The following SPEF2 variants were observed in gnomAD, a reference collection of about 807,000 sequenced individuals.
SPEF2 encodes the protein sperm flagellar and cilia associated 2.
A neutral mutation model predicts 224.6 loss-of-function variants in SPEF2; 187 were observed. The ratio of observed to expected loss-of-function variants is 0.83; its 90% CI spans 0.74 to 0.94. The LOEUF (loss-of-function observed/expected upper bound fraction) is 0.94, where lower values mean the gene tolerates loss of function less well. Among genes scored for constraint, SPEF2 ranks in the 40% least tolerant of loss-of-function variants. The pLI is 0.00. For missense variants in SPEF2, 2,170 were observed against 2,135.6 expected (o/e 1.02, Z -0.32); for synonymous variants, 715 against 707.3 (o/e 1.01, Z -0.17).
chr5:35,711,178 C>T (rs1741032955), intron 19 of SPEF2, among the ~76,000 whole-genome samples: 2 of 152,206 alleles, frequency 1.3e-5, no homozygotes, highest in South Asian at 2.1e-4. Context: ...CAATCTTCAG[C>T]AGAAGTTGAG....
chr5:35,644,354 G>T lies in SPEF2; in HGVS notation c.415-1G>T. On this transcript the variant is annotated splice_acceptor_variant, in intron 3 of 36. Transcript: ENST00000356031. LOFTEE classifies it high-confidence loss of function. ...TCTTTTGAAATGCTTTTTTCATTTA[G>T]AGACTTAGACACATGATACCACGTC... is the stretch of plus-strand genomic sequence containing the variant. 6.7e-7 allele frequency: 1 copy of T among 1,491,142 alleles called. No individual in the cohort carries two copies. The allele number at this position is 1,491,142 out of a possible 1,614,324, so 92.4% of individuals were successfully genotyped here.
chr5:35,780,915 T>A (rs565807301), intron 30 of SPEF2, among the ~76,000 whole-genome samples: 37 of 152,296 alleles, frequency 2.4e-4, no homozygotes, highest in Admixed American at 7.2e-4. Flanking sequence ...ATGATGCTAA[T>A]CATAATACTT....
At chr5:35,807,489 C>G (rs970514281) in intron 36 of SPEF2, 1 of 893,450 alleles carries the variant, frequency 1.1e-6, no homozygotes, top group East Asian at 2.6e-5. Context: ...GGGTGGGTGA[C>G]AGTGTTAGGA....
chr5:35,670,608 C>A (rs1278011452), intron 10 of SPEF2: 2 of 986,182 alleles, frequency 2.0e-6, no homozygotes, highest in Non-Finnish European at 2.4e-6. Context: ...AAATAATAGA[C>A]TTTTTTTACA....
chr5:35,763,977 G>T (rs1307655817), intron 26 of SPEF2, among the ~76,000 whole-genome samples: 1 of 152,142 alleles, frequency 6.6e-6, no homozygotes, highest in Non-Finnish European at 1.5e-5. Context: ...TAATGAGGTG[G>T]GTCAAGTGTA....
At chr5:35,726,986 C>CA (rs1273387005) in intron 20 of SPEF2, among the ~76,000 whole-genome samples, 1 of 75,704 alleles carries the variant, frequency 1.3e-5, no homozygotes, top group Admixed American at 1.4e-4. Flanking sequence ...CCAAGCACCC[C>CA]CCCCCTTTCC....
At chr5:35,638,994 G>A (rs1746223813) in intron 2 of SPEF2, among the ~76,000 whole-genome samples, 1 of 152,072 alleles carries the variant, frequency 6.6e-6, no homozygotes, top group African/African-American at 2.4e-5. Context: ...TTTGTGAAAT[G>A]GAAAAAGGGT....
chr5:35,802,501 A>G (rs531840000), intron 34 of SPEF2, among the ~76,000 whole-genome samples: 1 of 152,210 alleles, frequency 6.6e-6, no homozygotes, highest in African/African-American at 2.4e-5. Context: ...CAGAGACTAC[A>G]TCGAATGGTG....
At chr5:35,643,362 G>A (rs2149405784) in intron 3 of SPEF2, 2 of 381,586 alleles carry the variant, frequency 5.2e-6, no homozygotes, top group South Asian at 2.0e-5. Context: ...GAGTGATATG[G>A]ATTGCAGTGA....
At chr5:35,756,265 A>C (rs561419451) in intron 24 of SPEF2, among the ~76,000 whole-genome samples, 1 of 152,158 alleles carries the variant, frequency 6.6e-6, no homozygotes, top group East Asian at 1.9e-4. Flanking sequence ...ACGAAAAATC[A>C]TAGTGTATAT....
Position 35,619,022 on chromosome 5 carries a change from T to C in SPEF2, c.58+967T>C, listed in dbSNP as rs554698554. Among the ~76,000 whole-genome samples the C allele has an allele frequency of 8.5e-5, 13 of 152,256 alleles. No homozygotes were observed. In the South Asian group the frequency reaches 2.3e-3, roughly 27 times the overall value. ...TTATCTACAGAAGTTGCTAGATCGGTAGTGTTTCTGTGGGTGCAAAGTAGT... is the reference window on the plus strand; with the variant it reads ...TTATCTACAGAAGTTGCTAGATCGGCAGTGTTTCTGTGGGTGCAAAGTAGT... On this transcript the variant is annotated intron_variant, in intron 1 of 36. Transcript: ENST00000356031.
At chr5:35,698,837 A>T (rs1235557390) in intron 15 of SPEF2, 3 of 152,382 alleles carry the variant, frequency 2.0e-5, no homozygotes, top group African/African-American at 7.2e-5. Context: ...CTCAAACTAC[A>T]GCTGAACAAA....
intron 14 of SPEF2, 33 bp from the exon 15 acceptor site, chr5:35,697,657 C>T (rs2149551622): frequency 1.3e-6 from 2 of 1,539,750 alleles, no homozygotes; most frequent in African/African-American, 1.4e-5. Flanking sequence ...TTTAAATTAG[C>T]CATCTTCTGT....
At chr5:35,751,107 A>ACT (rs1749574922) in intron 23 of SPEF2, among the ~76,000 whole-genome samples, 1 of 114,946 alleles carries the variant, frequency 8.7e-6, no homozygotes, top group Non-Finnish European at 1.8e-5. Context: ...ATATATATAT[A>ACT]TATATATATA....
At chr5:35,751,045 A>ATATATATATACG (rs1454966279) in intron 23 of SPEF2, among the ~76,000 whole-genome samples, 1 of 64,346 alleles carries the variant, frequency 1.6e-5, no homozygotes, top group Non-Finnish European at 3.1e-5. Flanking sequence ...ACACATATGT[A>ATATATATATACG]TATATATATA....
rs541879315 is a variant in SPEF2, at chr5:35,617,917, T to C, written c.-81T>C. On this transcript the variant is annotated 5_prime_UTR_variant, in exon 1 of 37. Coordinates refer to ENST00000356031, the MANE Select transcript of SPEF2 (RefSeq NM_024867.4). ...TCCATAGCAAAGGGTTGCCCTTGGC[T>C]ACAGGAGGACGCGGGCTGGCAGGCT... The C allele has an allele frequency of 6.7e-5, 94 of 1,411,974 alleles. No individual in the cohort carries two copies. The highest frequency in any genetic ancestry group is 8.2e-5 in the Non-Finnish European group (84 of 1,019,300). 87.5% of individuals were successfully genotyped at this position (1,411,974 alleles called of 1,614,324 possible).
Position 35,806,800 on chromosome 5 carries a change from A to C in SPEF2, c.5104A>C (p.Lys1702Gln). The C allele has an allele frequency of 6.2e-7, 1 of 1,614,042 alleles. No individual in the cohort carries two copies. The highest frequency in any genetic ancestry group is 8.5e-7 in the Non-Finnish European group (1 of 1,179,944). Residue 1702 changes from lysine to glutamine, a missense_variant, in exon 35 of 37, where the codon AAA becomes CAA. Physicochemically the swap from Lys to Gln is moderately conservative, Grantham distance 53. Transcript: ENST00000356031. Reference protein sequence around the residue: ...EERKLKDDTEKREQKDEEIPE... With the variant: ...EERKLKDDTEQREQKDEEIPE... ...AAGGAAATTAAAAGACGACACGGAG[A>C]AAAGGGAACAGAAGGATGAAGAAAT... is the stretch of plus-strand genomic sequence containing the variant.
chr5:35,623,134 A>T (rs1743759467), intron 1 of SPEF2, among the ~76,000 whole-genome samples: 1 of 152,100 alleles, frequency 6.6e-6, no homozygotes, highest in South Asian at 2.1e-4. Context: ...AATGACTTGG[A>T]CTTGTGTTAG....
rs1756573645 is a variant in SPEF2, at chr5:35,795,729, A to G, written c.4764A>G (p.Glu1588=). ...CTGGTCTGTGGTTTACAGGAGATGAAGATATAAAAATTCCAGAAAATCCTC... is the reference window on the plus strand; with the variant it reads ...CTGGTCTGTGGTTTACAGGAGATGAGGATATAAAAATTCCAGAAAATCCTC... ...MQAGLWFTGD[E]DIKIPENPLE... Residue 1588 remains glutamate, a synonymous_variant, in exon 33 of 37, where the codon GAA becomes GAG. Transcript: ENST00000356031. 1.2e-6 allele frequency: 2 copies of G among 1,613,906 alleles called. No individual in the cohort carries two copies. The highest frequency in any genetic ancestry group is 1.7e-6 in the Non-Finnish European group (2 of 1,179,906).
Sources: gnomAD v4.1 joint callset for allele counts (sites outside exome capture counted in the v4.1 genomes callset) on GRCh38, gnomAD v4.1.1 for gene constraint, MANE v1.5 for transcripts, NCBI Gene and HGNC (gene_info 2026-07-23, HGNC 2026-07-21) for gene names.